Variants in CEP57L1 observed in about 807,000 individuals in gnomAD.
The protein encoded by CEP57L1 is centrosomal protein CEP57L1.
A neutral mutation model predicts 61.0 loss-of-function variants in CEP57L1; 37 were observed. That is an observed-to-expected ratio of 0.61 (90% CI 0.47 to 0.80). The LOEUF (loss-of-function observed/expected upper bound fraction) is 0.80, where lower values mean the gene tolerates loss of function less well. Ranked by LOEUF, CEP57L1 falls within the 30% of genes least tolerant of loss-of-function variation. CEP57L1 has a pLI of 0.00. For synonymous variants in CEP57L1, 137 were observed against 162.3 expected, an observed-to-expected ratio of 0.84 and a Z score of 1.19; for missense variants, 422 against 524.7, an observed-to-expected ratio of 0.80 and a Z score of 1.91.
intron 1 of CEP57L1, chr6:109,129,529 G>A (rs549359779): frequency 2.2e-6 from 1 of 456,864 alleles, no homozygotes; most frequent in Non-Finnish European, 4.4e-6. Flanking sequence ...AAGACAGAGG[G>A]TATTTGGGCA....
chr6:109,109,780 A>G (rs1405954016), intron 1 of CEP57L1, among the ~76,000 whole-genome samples: 1 of 152,188 alleles, frequency 6.6e-6, no homozygotes, highest in Non-Finnish European at 1.5e-5. Flanking sequence ...ATGAGTGAGA[A>G]CATGTGGTGT....
At chr6:109,141,372 C>G (rs963972013) in intron 1 of CEP57L1, among the ~76,000 whole-genome samples, 1 of 151,896 alleles carries the variant, frequency 6.6e-6, no homozygotes, top group Non-Finnish European at 1.5e-5. Context: ...TCCACCACCA[C>G]GCCTGGCTAA....
At chr6:109,119,429 A>G (rs1772690356) in intron 1 of CEP57L1, among the ~76,000 whole-genome samples, 1 of 152,212 alleles carries the variant, frequency 6.6e-6, no homozygotes, top group Non-Finnish European at 1.5e-5. Flanking sequence ...TGAGTCAAGA[A>G]GTGTTTTACG....
chr6:109,109,386 A>T (rs1195318966), intron 1 of CEP57L1, among the ~76,000 whole-genome samples: 1 of 152,192 alleles, frequency 6.6e-6, no homozygotes, highest in African/African-American at 2.4e-5. Flanking sequence ...CCTGAAAGTT[A>T]TTTGCCAGGA....
At chr6:109,128,567 G>C (rs1773832493) in intron 1 of CEP57L1, among the ~76,000 whole-genome samples, 1 of 152,040 alleles carries the variant, frequency 6.6e-6, no homozygotes, top group African/African-American at 2.4e-5. Context: ...ATGCAAACCT[G>C]GTCATGTTAT....
Position 109,160,554 on chromosome 6 carries a change from T to C in CEP57L1, c.1017-18T>C. The C allele has an allele frequency of 6.4e-7, 1 of 1,569,274 alleles. No individual in the cohort carries two copies. Among genetic ancestry groups the C allele is most frequent in the Non-Finnish European group, 8.7e-7 (1 of 1,154,362 alleles). Reference sequence around the variant, plus strand: ...CAATAAACTATAATACTGCTTAATATTTGCTATTCTTTCATAGGGAGCACC... The same window carrying C: ...CAATAAACTATAATACTGCTTAATACTTGCTATTCTTTCATAGGGAGCACC... On this transcript the variant is annotated intron_variant, in intron 9 of 10. Transcript: ENST00000517392.
rs1050166108 is a variant in CEP57L1, at chr6:109,167,732, T to C, written c.*4762T>C. Among the ~76,000 whole-genome samples the C allele has an allele frequency of 6.6e-6, 1 of 152,010 alleles. No individual in the cohort carries two copies. Among genetic ancestry groups the C allele is most frequent in the African/African-American group, 2.4e-5 (1 of 41,412 alleles). On this transcript the variant is annotated 3_prime_UTR_variant, in exon 11 of 11. Coordinates refer to ENST00000517392, the MANE Select transcript of CEP57L1 (RefSeq NM_001271852.3). ...AAAGGAATAGCCCAGTATTGTTTGT[T>C]TGGGGAGGGGCAGGGTGTGGTTCCA...
At chr6:109,113,485 C>A (rs913021517) in intron 1 of CEP57L1, among the ~76,000 whole-genome samples, 2 of 151,946 alleles carry the variant, frequency 1.3e-5, no homozygotes, top group Admixed American at 6.6e-5. Flanking sequence ...TACAGGATAC[C>A]CCCTCATATC....
At position 109,151,813 on chromosome 6, in the gene CEP57L1, T is replaced by G. The variant is rs960342145; in HGVS notation, c.462+1574T>G. Among the ~76,000 whole-genome samples, 25 of 152,206 alleles carry G rather than the reference T, an allele frequency of 1.6e-4. 1 individual carries two copies. The highest frequency in any genetic ancestry group is 5.8e-4 in the African/African-American group (24 of 41,460). On this transcript the variant is annotated intron_variant, in intron 4 of 10. Coordinates refer to ENST00000517392, the MANE Select transcript of CEP57L1 (RefSeq NM_001271852.3). ...GACATCTTTTCTTCTTTAAGCACAT[T>G]GAAGATTTTGTTCCTGTTGCCTTCT... is the stretch of plus-strand genomic sequence containing the variant.
chr6:109,134,592 G>C (rs957615585), intron 1 of CEP57L1, among the ~76,000 whole-genome samples: 3 of 152,140 alleles, frequency 2.0e-5, no homozygotes, highest in Admixed American at 6.5e-5. Context: ...GAAATAAAGG[G>C]TATTCATTTA....
At chr6:109,107,168 TAG>T (rs1388320914) in intron 1 of CEP57L1, among the ~76,000 whole-genome samples, 1 of 152,212 alleles carries the variant, frequency 6.6e-6, no homozygotes, top group South Asian at 2.1e-4. Context: ...CCTAATAAAT[TAG>T]ACTTATATTT....
At chr6:109,126,436 C>G (rs1773566160) in intron 1 of CEP57L1, among the ~76,000 whole-genome samples, 1 of 152,152 alleles carries the variant, frequency 6.6e-6, no homozygotes, top group Admixed American at 6.5e-5. Flanking sequence ...ACATGAAAAT[C>G]TGTTGTCCAT....
chr6:109,129,574 T>C, intron 1 of CEP57L1: 1 of 454,422 alleles, frequency 2.2e-6, no homozygotes, highest in Non-Finnish European at 4.4e-6. Context: ...TTCAACCTGT[T>C]CTCTAGTTTC....
rs1271705650 is a variant in CEP57L1 at position 109,171,499 on chromosome 6, C to T, written c.*8529C>T. ...ACCTTAGGTGAACTGCCCGCCTCAG[C>T]CTCCCAAAGTGCTGGGATTACAGGT... is the stretch of plus-strand genomic sequence containing the variant. On this transcript the variant is annotated 3_prime_UTR_variant, in exon 11 of 11. Transcript: ENST00000517392. Among the ~76,000 whole-genome samples, 5 of 152,034 alleles carry T rather than the reference C, an allele frequency of 3.3e-5. No homozygotes were observed. The highest frequency in any genetic ancestry group is 1.2e-4 in the African/African-American group (5 of 41,396).
At chr6:109,139,256 T>C (rs1183448815) in intron 1 of CEP57L1, among the ~76,000 whole-genome samples, 1 of 152,184 alleles carries the variant, frequency 6.6e-6, no homozygotes, top group Non-Finnish European at 1.5e-5. Flanking sequence ...ATCATCATGG[T>C]ATTCAGAACG....
chr6:109,162,784 G>A lies in CEP57L1; in HGVS notation c.1197G>A (p.Lys399=). The part of the protein sequence containing the change: ...CKLQQKVQNS[K]MSEASGIQQE... ...TGCAGCAAAAAGTTCAAAACTCAAA[G>A]ATGAGTGAAGCTTCAGGTATTCAGC... Residue 399 remains lysine (K), a synonymous_variant, in exon 11 of 11, where the codon AAG becomes AAA. Coordinates refer to ENST00000517392, the MANE Select transcript of CEP57L1 (RefSeq NM_001271852.3). 6.2e-7 allele frequency: 1 copy of A among 1,612,986 alleles called. No individual in the cohort carries two copies. The highest frequency in any genetic ancestry group is 1.7e-4 in the Middle Eastern group (1 of 6,054).
chr6:109,107,279 G>T (rs1442106295), intron 1 of CEP57L1, among the ~76,000 whole-genome samples: 1 of 151,914 alleles, frequency 6.6e-6, no homozygotes, highest in Non-Finnish European at 1.5e-5. Flanking sequence ...TTTAGCATCT[G>T]GGCATTTCCC....
At chr6:109,159,214 T>A (rs771603212) in intron 8 of CEP57L1, 55 bp from the exon 9 acceptor site, 2 of 1,613,930 alleles carry the variant, frequency 1.2e-6, no homozygotes. Flanking sequence ...TCTTTTCCCA[T>A]AAGTCTACCA....
intron 1 of CEP57L1, among the ~76,000 whole-genome samples, chr6:109,110,196 C>A (rs1422285572): frequency 9.9e-5 from 15 of 152,228 alleles, no homozygotes; most frequent in African/African-American, 3.6e-4. Context: ...TCCTCTCCAG[C>A]ATCTGTTGTT....
Sources: gnomAD v4.1 joint callset for allele counts (sites outside exome capture counted in the v4.1 genomes callset) on GRCh38, gnomAD v4.1.1 for gene constraint, MANE v1.5 for transcripts, NCBI Gene and HGNC (gene_info 2026-07-23, HGNC 2026-07-21) for gene names.